GRIN2A: variants seen among roughly 807,000 people sequenced by gnomAD.
The protein encoded by GRIN2A is glutamate receptor ionotropic, NMDA 2A.
A neutral mutation model predicts 113.4 loss-of-function variants in GRIN2A; 22 were observed. The observed-to-expected ratio is 0.19, with a 90% CI of 0.14 to 0.28. The LOEUF (loss-of-function observed/expected upper bound fraction) is 0.28. GRIN2A is among the 10% of genes least tolerant of loss of function. GRIN2A has a pLI of 1.00. For missense variants in GRIN2A, 1,502 were observed against 1,887.0 expected (o/e 0.80, Z 3.78); for synonymous variants, 827 against 738.4 (o/e 1.12, Z -1.94).
At chr16:9,879,656 G>C (rs2043439429) in intron 4 of GRIN2A, among the ~76,000 whole-genome samples, 2 of 152,068 alleles carry the variant, frequency 1.3e-5, no homozygotes, top group Admixed American at 1.3e-4. Flanking sequence ...TAAGAGTGCA[G>C]ACAATTGGGT....
At chr16:10,042,212 G>A (rs2047178352) in intron 2 of GRIN2A, among the ~76,000 whole-genome samples, 1 of 152,134 alleles carries the variant, frequency 6.6e-6, no homozygotes, top group Non-Finnish European at 1.5e-5. Flanking sequence ...AAAAGGTAAA[G>A]CTTAATCCTC....
intron 3 of GRIN2A, among the ~76,000 whole-genome samples, chr16:9,915,370 C>T (rs1187347608): frequency 6.6e-6 from 1 of 151,482 alleles, no homozygotes; most frequent in Non-Finnish European, 1.5e-5. Context: ...TAATAATAGC[C>T]ACCTTCCTTA....
rs1014245972 is a variant in GRIN2A at position 10,182,066 on chromosome 16, C to G, written c.-208G>C. Reference sequence around the variant, plus strand: ...CCCAGCCGGAGGCTCTGCAGCAGGGCTCTAACGGGGCGGAGGAGAGAAGGA... The same window carrying G: ...CCCAGCCGGAGGCTCTGCAGCAGGGGTCTAACGGGGCGGAGGAGAGAAGGA... On this transcript the variant is annotated 5_prime_UTR_variant, in exon 1 of 13. Coordinates refer to ENST00000330684, the MANE Select transcript of GRIN2A (RefSeq NM_001134407.3). The G allele has an allele frequency of 6.5e-6, 1 of 152,870 alleles. No homozygotes were observed. Among genetic ancestry groups the G allele is most frequent in the African/African-American group, 2.4e-5 (1 of 41,468 alleles). 9.5% of individuals were successfully genotyped at this position (152,870 alleles called of 1,614,324 possible). A position where few individuals can be genotyped will look rare whatever the true frequency, so the allele number is the denominator to read the frequency against.
At chr16:10,158,756 G>A (rs2049753461) in intron 2 of GRIN2A, among the ~76,000 whole-genome samples, 1 of 152,188 alleles carries the variant, frequency 6.6e-6, no homozygotes, top group African/African-American at 2.4e-5. Flanking sequence ...TCCAGGAGCT[G>A]GAGGGGTGGG....
chr16:9,845,069 T>G (rs924609834), intron 5 of GRIN2A, among the ~76,000 whole-genome samples: 1 of 152,166 alleles, frequency 6.6e-6, no homozygotes, highest in Non-Finnish European at 1.5e-5. Flanking sequence ...TTCTTTAATG[T>G]TGGGATTAGT....
chr16:9,765,658 C>G (rs1453761342), intron 12 of GRIN2A, among the ~76,000 whole-genome samples: 1 of 152,132 alleles, frequency 6.6e-6, no homozygotes, highest in African/African-American at 2.4e-5. Flanking sequence ...AAAAGTAGAG[C>G]CCAAGAGATA....
intron 3 of GRIN2A, among the ~76,000 whole-genome samples, chr16:9,894,946 AATCCATCC>A (rs1329884673): frequency 1.3e-5 from 2 of 152,148 alleles, no homozygotes; most frequent in Non-Finnish European, 1.5e-5. Flanking sequence ...TCAATCCATT[AATCCATCC>A]ATCCATCCAT....
chr16:10,165,702 AGG>A (rs2049904660), intron 2 of GRIN2A, among the ~76,000 whole-genome samples: 1 of 2,910 alleles, frequency 3.4e-4, no homozygotes, highest in East Asian at 0.016. Flanking sequence ...GAGGGGAGAA[AGG>A]AGGGGAGGGG....
At chr16:9,766,221 G>C (rs1427886419) in intron 12 of GRIN2A, among the ~76,000 whole-genome samples, 1 of 152,164 alleles carries the variant, frequency 6.6e-6, no homozygotes. Context: ...TGCTGACTTT[G>C]GCATAAACTA....
intron 4 of GRIN2A, among the ~76,000 whole-genome samples, chr16:9,856,384 G>A (rs568231913): frequency 2.0e-5 from 3 of 152,216 alleles, no homozygotes; most frequent in African/African-American, 7.2e-5. Flanking sequence ...ACTTTGGGAG[G>A]CTGAGGCGGG....
At chr16:9,846,341 A>T (rs1044893710) in intron 5 of GRIN2A, among the ~76,000 whole-genome samples, 2 of 152,206 alleles carry the variant, frequency 1.3e-5, no homozygotes, top group African/African-American at 4.8e-5. Context: ...TCCATGATGT[A>T]TTCAGGATTT....
At chr16:9,964,318 C>A (rs1164953004) in intron 2 of GRIN2A, among the ~76,000 whole-genome samples, 2 of 152,218 alleles carry the variant, frequency 1.3e-5, no homozygotes, top group Non-Finnish European at 2.9e-5. Flanking sequence ...TGGGACCTTG[C>A]ACAATTACTC....
intron 3 of GRIN2A, among the ~76,000 whole-genome samples, chr16:9,917,075 G>T (rs562551985): frequency 1.3e-5 from 2 of 152,118 alleles, no homozygotes; most frequent in African/African-American, 4.8e-5. Flanking sequence ...GGGACTTTGC[G>T]CACTCTGCTC....
At chr16:9,773,233 T>C (rs1901391399) in intron 11 of GRIN2A, among the ~76,000 whole-genome samples, 1 of 152,210 alleles carries the variant, frequency 6.6e-6, no homozygotes, top group African/African-American at 2.4e-5. Flanking sequence ...TGGGCAGCAT[T>C]GCAGAAGTGT....
chr16:10,153,308 C>T (rs903629596), intron 2 of GRIN2A, among the ~76,000 whole-genome samples: 5 of 152,110 alleles, frequency 3.3e-5, no homozygotes, highest in African/African-American at 1.2e-4. Flanking sequence ...GCTTTCCCTC[C>T]CTCTGCCAAC....
intron 4 of GRIN2A, among the ~76,000 whole-genome samples, chr16:9,865,670 A>T (rs1214527549): frequency 2.0e-5 from 3 of 152,172 alleles, no homozygotes; most frequent in South Asian, 4.1e-4. Flanking sequence ...GATCACATGC[A>T]TTCATCTTGC....
intron 2 of GRIN2A, among the ~76,000 whole-genome samples, chr16:9,954,146 A>C (rs2045250491): frequency 6.6e-6 from 1 of 152,178 alleles, no homozygotes; most frequent in Non-Finnish European, 1.5e-5. Context: ...AACTCCCTAC[A>C]TGCTAAAGGA....
rs2044650486 is a variant in GRIN2A at position 9,933,753 on chromosome 16, T to C, written c.1007+4206A>G. ...ATCTTACTATAAAAAAACCTAAATG[T>C]CCATCAAAGAGGAATTATGTAAGTG... On this transcript the variant is annotated intron_variant, in intron 3 of 12. Coordinates refer to ENST00000330684, the MANE Select transcript of GRIN2A (RefSeq NM_001134407.3). Among the ~76,000 whole-genome samples the C allele has an allele frequency of 2.6e-5, 4 of 152,130 alleles. No homozygotes were observed. In the South Asian group the frequency reaches 8.3e-4, roughly 32 times the overall value.
intron 2 of GRIN2A, among the ~76,000 whole-genome samples, chr16:9,996,896 A>G (rs1442762250): frequency 6.6e-6 from 1 of 152,124 alleles, no homozygotes; most frequent in Non-Finnish European, 1.5e-5. Context: ...CTCTAACACC[A>G]GGTGTTTTTT....
Sources: allele counts gnomAD v4.1 joint callset (sites outside exome capture counted in the v4.1 genomes callset), GRCh38; gene constraint gnomAD v4.1.1; transcripts MANE v1.5; gene names NCBI Gene and HGNC (gene_info 2026-07-23, HGNC 2026-07-21).